The following ATP8A2 variants were observed in gnomAD, a reference collection of about 807,000 sequenced individuals.
ATP8A2 encodes the protein ATPase phospholipid transporting 8A2, also known as phospholipid-transporting ATPase IB.
ATP8A2 carries 100 observed loss-of-function variants against 165.6 expected under a neutral mutation model. The ratio of observed to expected loss-of-function variants is 0.60; its 90% CI spans 0.51 to 0.71. ATP8A2 has a LOEUF of 0.71. ATP8A2 is among the 30% of genes least tolerant of loss of function. ATP8A2 has a pLI of 0.00. For synonymous variants in ATP8A2, 543 were observed against 548.8 expected, an observed-to-expected ratio of 0.99 and a Z score of 0.15; for missense variants, 1,227 against 1,479.5, an observed-to-expected ratio of 0.83 and a Z score of 2.80.
At chr13:25,520,054 T>G (rs1034286673) in intron 2 of ATP8A2, among the ~76,000 whole-genome samples, 1 of 152,234 alleles carries the variant, frequency 6.6e-6, no homozygotes, top group Non-Finnish European at 1.5e-5. Flanking sequence ...TATTTTGACG[T>G]GTACAACAGA....
At chr13:25,376,835 A>T (rs1317030412) in intron 1 of ATP8A2, among the ~76,000 whole-genome samples, 1 of 152,218 alleles carries the variant, frequency 6.6e-6, no homozygotes, top group Admixed American at 6.5e-5. Context: ...GAGAATTTAA[A>T]TGTTCTTTTA....
Position 25,728,839 on chromosome 13 carries a change from T to C in ATP8A2, c.2384+29494T>C, listed in dbSNP as rs532605399. Among the ~76,000 whole-genome samples the C allele has an allele frequency of 6.6e-5, 10 of 152,344 alleles. No homozygotes were observed. The South Asian group carries it at 2.1e-3, about 32-fold the overall frequency. ...AAAATTTGTAATTAGCAAATGCATC[T>C]GCATATAGAAGTGTGTGCCCGAAAC... is the stretch of plus-strand genomic sequence containing the variant. On this transcript the variant is annotated intron_variant, in intron 25 of 36. Transcript: ENST00000381655.
chr13:25,581,238 A>AG (rs2039768666), intron 22 of ATP8A2, among the ~76,000 whole-genome samples: 1 of 152,312 alleles, frequency 6.6e-6, no homozygotes, highest in African/African-American at 2.4e-5. Flanking sequence ...CAGCAGGCAC[A>AG]GTGCGGGCAG....
intron 24 of ATP8A2, among the ~76,000 whole-genome samples, chr13:25,682,113 C>T (rs1204425407): frequency 6.6e-6 from 1 of 152,106 alleles, no homozygotes; most frequent in Non-Finnish European, 1.5e-5. Context: ...AAAAAACACA[C>T]CAAAAACCCC....
intron 6 of ATP8A2, among the ~76,000 whole-genome samples, chr13:25,534,882 TG>T (rs890336756): frequency 2.6e-5 from 4 of 152,112 alleles, no homozygotes; most frequent in African/African-American, 9.7e-5. Context: ...GGGTCTCAGG[TG>T]GGGCCCTAGA....
chr13:25,751,468 A>G (rs983900972), intron 25 of ATP8A2, among the ~76,000 whole-genome samples: 1 of 151,588 alleles, frequency 6.6e-6, no homozygotes, highest in Admixed American at 6.6e-5. Context: ...TTTTCTTTTA[A>G]GAGACAGGGT....
chr13:25,574,437 C>A (rs1566286878), intron 18 of ATP8A2, among the ~76,000 whole-genome samples: 1 of 152,202 alleles, frequency 6.6e-6, no homozygotes, highest in Non-Finnish European at 1.5e-5. Context: ...CAGCATGTTA[C>A]CCCAGACCCT....
At chr13:25,924,462 G>A (rs1278146641) in intron 33 of ATP8A2, among the ~76,000 whole-genome samples, 3 of 151,880 alleles carry the variant, frequency 2.0e-5, no homozygotes, top group Non-Finnish European at 2.9e-5. Flanking sequence ...TCCTCTTCAC[G>A]TGCGGGCCTT....
intron 10 of ATP8A2, among the ~76,000 whole-genome samples, chr13:25,550,380 G>A (rs2138049205): frequency 6.6e-6 from 1 of 152,236 alleles, no homozygotes; most frequent in East Asian, 1.9e-4. Context: ...GGAGGGGGTG[G>A]TCATTAGTTT....
At chr13:25,977,029 A>ACCCCCACCCCCACCCCCC (rs1956060842) in intron 35 of ATP8A2, among the ~76,000 whole-genome samples, 2 of 111,366 alleles carry the variant, frequency 1.8e-5, no homozygotes, top group African/African-American at 3.4e-5. Context: ...CTTGTGATCC[A>ACCCCCACCCCCACCCCCC]CCCCCACCCC....
At chr13:26,000,221 C>G (rs537297405) in intron 35 of ATP8A2, among the ~76,000 whole-genome samples, 10 of 152,312 alleles carry the variant, frequency 6.6e-5, no homozygotes, top group African/African-American at 2.4e-4. Context: ...GTTTTGCAGA[C>G]TGCCCAGTAG....
chr13:25,373,618 T>C (rs927768385), intron 1 of ATP8A2, among the ~76,000 whole-genome samples: 1 of 152,100 alleles, frequency 6.6e-6, no homozygotes, highest in Admixed American at 6.6e-5. Context: ...GGGGCTTCAG[T>C]ACAAGAAAAG....
chr13:25,808,013 A>G (rs546811223), intron 27 of ATP8A2, among the ~76,000 whole-genome samples: 11 of 150,590 alleles, frequency 7.3e-5, no homozygotes, highest in Admixed American at 3.3e-4. Context: ...ACTTTTGGAG[A>G]TATTTTCATC....
intron 25 of ATP8A2, among the ~76,000 whole-genome samples, chr13:25,734,537 G>A (rs2043724807): frequency 6.6e-6 from 1 of 152,212 alleles, no homozygotes; most frequent in Non-Finnish European, 1.5e-5. Context: ...CAGTGGGCAA[G>A]TGCTAGAGCT....
At chr13:25,678,163 T>C (rs2042410141) in intron 24 of ATP8A2, among the ~76,000 whole-genome samples, 1 of 152,142 alleles carries the variant, frequency 6.6e-6, no homozygotes. Context: ...CTAGCACCTG[T>C]CAAGGCACTT....
chr13:25,922,176 C>T (rs1954479509), intron 33 of ATP8A2, among the ~76,000 whole-genome samples: 1 of 152,158 alleles, frequency 6.6e-6, no homozygotes, highest in South Asian at 2.1e-4. Flanking sequence ...GTGGGTCCAT[C>T]ATCCTAATCA....
intron 25 of ATP8A2, among the ~76,000 whole-genome samples, chr13:25,723,323 ATTTAT>A (rs1439299821): frequency 6.6e-6 from 1 of 152,186 alleles, no homozygotes; most frequent in Non-Finnish European, 1.5e-5. Context: ...TGTATTTTCA[ATTTAT>A]TTTAATCTTT....
chr13:26,004,856 A>G (rs1956708548), intron 35 of ATP8A2, among the ~76,000 whole-genome samples: 1 of 152,164 alleles, frequency 6.6e-6, no homozygotes, highest in South Asian at 2.1e-4. Flanking sequence ...ATGGTGAATG[A>G]TTCTTTCAAT....
In ATP8A2 at chr13:25,976,632, T is replaced by C. The variant is rs570523895; in HGVS notation, c.3377+7953T>C. Among the ~76,000 whole-genome samples, 16 of 152,128 alleles carry C rather than the reference T, an allele frequency of 1.1e-4. No homozygotes were observed. The South Asian group carries it at 3.3e-3, about 32-fold the overall frequency. On this transcript the variant is annotated intron_variant, in intron 35 of 36. Transcript: ENST00000381655. ...ATCCAAGGAAGCTAGAGAATTGTAGTTGCATGTTGTTGTCTTTTAGATCCC... is the reference window on the plus strand; with the variant it reads ...ATCCAAGGAAGCTAGAGAATTGTAGCTGCATGTTGTTGTCTTTTAGATCCC...
Sources: gnomAD v4.1 joint callset for allele counts (sites outside exome capture counted in the v4.1 genomes callset) on GRCh38, gnomAD v4.1.1 for gene constraint, MANE v1.5 for transcripts, NCBI Gene and HGNC (gene_info 2026-07-23, HGNC 2026-07-21) for gene names.